The following IL31RA variants were observed in gnomAD, a reference collection of about 807,000 sequenced individuals.
IL31RA encodes the protein interleukin-31 receptor subunit alpha.
Under a neutral mutation model 83.7 loss-of-function variants are expected in IL31RA, and 66 were observed. The observed-to-expected ratio is 0.79, with a 90% CI of 0.65 to 0.97. IL31RA has a LOEUF of 0.97. Ranked by LOEUF, IL31RA falls within the 50% of genes least tolerant of loss-of-function variation. The probability of loss-of-function intolerance (pLI) is 0.00; values close to 1 mark genes in which losing one functional copy is unlikely to be tolerated. For synonymous variants in IL31RA, 325 were observed against 329.0 expected (o/e 0.99, Z 0.13); for missense variants, 798 against 919.4 (o/e 0.87, Z 1.71).
Position 55,867,252 on chromosome 5 carries a change from T to C in IL31RA, c.155-1539T>C, listed in dbSNP as rs928858541. On this transcript the variant is annotated intron_variant, in intron 2 of 14. Transcript: ENST00000652347. ...GTGTGTTTGTGTGTGTGTTTGTGTG[T>C]GCGTGTGTTTGTGTGCGTGTGTGTG... Among the ~76,000 whole-genome samples the C allele has an allele frequency of 1.4e-4, 7 of 49,214 alleles. No individual in the cohort carries two copies. The Admixed American group carries it at 2.0e-3, about 14-fold the overall frequency. 32.3% of individuals were successfully genotyped at this position (49,214 alleles called of 152,430 possible).
At position 55,903,301 on chromosome 5, in the gene IL31RA, C is replaced by T. The variant is rs1469113118; in HGVS notation, c.1070-2805C>T. On this transcript the variant is annotated intron_variant, in intron 8 of 14. Coordinates refer to ENST00000652347, the MANE Select transcript of IL31RA (RefSeq NM_139017.7). The surrounding 1 kb of genome is among the most constrained non-coding windows in gnomAD (Gnocchi z 4.7). ...AGGAGAAGCAGCACCAGCACGTGAG[C>T]CCCGGGTGACTGTCTTCATGCAGAT... Among the ~76,000 whole-genome samples the T allele has an allele frequency of 6.6e-6, 1 of 152,212 alleles. No individual in the cohort carries two copies. Among genetic ancestry groups the T allele is most frequent in the Non-Finnish European group, 1.5e-5 (1 of 68,024 alleles).
At chr5:55,883,352 A>T (rs16884612) in intron 5 of IL31RA, among the ~76,000 whole-genome samples, 157 bp downstream of exon 5, 11,860 of 152,152 alleles carry the variant, frequency 0.078, 792 homozygotes, top group African/African-American at 0.18. Flanking sequence ...CCATTTTTCC[A>T]TCTGGACCTT....
At position 55,916,844 on chromosome 5, in the gene IL31RA, C is replaced by T. The variant is rs755662748; in HGVS notation, c.2019C>T (p.Thr673=). The change falls in exon 15 of 15, where the codon ACC becomes ACT. Residue 673 remains threonine (T), a synonymous_variant. Transcript: ENST00000652347. ...GAGGGGAAAAGAATGGGTATGTGAC[C>T]TGCCCCTTCAGGCCTGATTGTCCCC... ...NLGGEKNGYV[T]CPFRPDCPLG... is the part of the protein sequence containing the mutation. 6.2e-7 allele frequency: 1 copy of T among 1,614,208 alleles called. No individual in the cohort carries two copies. Among genetic ancestry groups the T allele is most frequent in the African/African-American group, 1.3e-5 (1 of 75,052 alleles).
rs377376655 is a variant in IL31RA at position 55,883,208 on chromosome 5, A to G, written c.606+13A>G. On this transcript the variant is annotated intron_variant, in intron 5 of 14. Transcript: ENST00000652347. Reference sequence around the variant, plus strand: ...CAGTACCAGCTGGGTAAGTTATGCCATTATAATAATATTCCAATTAGAGGC... The same window carrying G: ...CAGTACCAGCTGGGTAAGTTATGCCGTTATAATAATATTCCAATTAGAGGC... 1.6e-4 allele frequency: 250 copies of G among 1,603,546 alleles called. No individual in the cohort carries two copies. Among genetic ancestry groups the G allele is most frequent in the African/African-American group, 2.7e-4 (20 of 74,484 alleles).
chr5:55,916,792 C>T lies in IL31RA; in HGVS notation c.1967C>T (p.Ala656Val). Reference sequence around the variant, plus strand: ...CTGCAAGAAATTTTCACAGATGAAGCCAGAACGGGTCAGGAAAACAATTTA... The same window carrying T: ...CTGCAAGAAATTTTCACAGATGAAGTCAGAACGGGTCAGGAAAACAATTTA... The part of the protein sequence containing the change: ...NVLQEIFTDE[A>V]RTGQENNLGG... The change falls in exon 15 of 15, where the codon GCC becomes GTC. Residue 656 changes from alanine to valine, a missense_variant. Ala to Val is a moderately conservative substitution (Grantham distance 64). Transcript: ENST00000652347. The T allele has an allele frequency of 1.9e-6, 3 of 1,614,108 alleles. No individual in the cohort carries two copies. The highest frequency in any genetic ancestry group is 2.5e-6 in the Non-Finnish European group (3 of 1,180,038).
At chr5:55,889,871 C>A in intron 5 of IL31RA, 99 bp from the exon 6 acceptor site, 1 of 1,018,946 alleles carries the variant, frequency 9.8e-7, no homozygotes, top group Non-Finnish European at 1.5e-6. Context: ...TAGAGTGTTA[C>A]TAGTTCTAAA....
At chr5:55,897,665 C>T (rs970152152) in intron 7 of IL31RA, among the ~76,000 whole-genome samples, 1 of 138,080 alleles carries the variant, frequency 7.2e-6, no homozygotes, top group Admixed American at 7.5e-5. Flanking sequence ...GTGGGGAATG[C>T]AGAGAAGAAG....
chr5:55,908,242 AT>A, intron 10 of IL31RA, 22 bp from the exon 11 acceptor site: 1 of 1,613,838 alleles, frequency 6.2e-7, no homozygotes, highest in Non-Finnish European at 8.5e-7. Context: ...AGTGATTATC[AT>A]TTATCCCTCT....
intron 14 of IL31RA, among the ~76,000 whole-genome samples, chr5:55,915,414 A>G (rs1195672126): frequency 6.6e-6 from 1 of 152,176 alleles, no homozygotes; most frequent in Non-Finnish European, 1.5e-5. Flanking sequence ...GTCAGGCTTT[A>G]TTTAACTGGC....
chr5:55,890,260 G>A, intron 6 of IL31RA, 125 bp downstream of exon 6: 1 of 880,672 alleles, frequency 1.1e-6, no homozygotes, highest in Non-Finnish European at 1.9e-6. Flanking sequence ...GGGGCCCCCT[G>A]TACCATCGAG....
intron 5 of IL31RA, 47 bp downstream of exon 5, chr5:55,883,242 A>G (rs68051026): frequency 0.062 from 91,776 of 1,478,242 alleles, 4,821 homozygotes; most frequent in African/African-American, 0.27. Flanking sequence ...GCCCAGAGGA[A>G]AAGAATCATT....
At chr5:55,841,518 G>A in the IL31RA span, among the ~76,000 whole-genome samples, 1 of 152,200 alleles carries the variant, frequency 6.6e-6, no homozygotes, top group Non-Finnish European at 1.5e-5. Flanking sequence ...AGGGTCTCTT[G>A]TGTTCCACAT....
upstream of IL31RA, among the ~76,000 whole-genome samples, chr5:55,847,239 A>T (rs1226470613): frequency 0.017 from 294 of 17,368 alleles, 5 homozygotes; most frequent in African/African-American, 0.035. Flanking sequence ...AAAAAAAAAA[A>T]AATAAAAATA....
chr5:55,916,534 TG>T, intron 14 of IL31RA, 109 bp from the exon 15 acceptor site: 1 of 891,306 alleles, frequency 1.1e-6, no homozygotes, highest in Non-Finnish European at 1.9e-6. Context: ...GGGAGGAAGG[TG>T]GGGGCTGTTC....
Position 55,872,289 on chromosome 5 carries a change from G to C in IL31RA, c.292G>C (p.Asp98His). 6.2e-7 allele frequency: 1 copy of C among 1,613,204 alleles called. No homozygotes were observed. The highest frequency in any genetic ancestry group is 8.5e-7 in the Non-Finnish European group (1 of 1,179,422). The change falls in exon 4 of 15, where the codon GAT (aspartate) becomes CAT (histidine). Residue 98 changes from aspartate to histidine, a missense_variant. Coordinates refer to ENST00000652347, the MANE Select transcript of IL31RA (RefSeq NM_139017.7). Reference protein sequence around the residue: ...KRTYAFGEKHDNCTTNSSTSE... With the variant: ...KRTYAFGEKHHNCTTNSSTSE... ...TCAAAGCGCTTTTGGAGAAAAACAT[G>C]ATAATTGTACAACCAATAGTTCTAC...
At chr5:55,885,653 G>T (rs1450655449) in intron 5 of IL31RA, among the ~76,000 whole-genome samples, 1 of 152,160 alleles carries the variant, frequency 6.6e-6, no homozygotes, top group South Asian at 2.1e-4. Flanking sequence ...ACACTTGGGC[G>T]GGTCAGAGAT....
intron 3 of IL31RA, among the ~76,000 whole-genome samples, chr5:55,869,214 T>C (rs1746367296): frequency 6.6e-6 from 1 of 152,234 alleles, no homozygotes; most frequent in African/African-American, 2.4e-5. Context: ...GAATGTGTTA[T>C]ATAAAACTGT....
intron 4 of IL31RA, among the ~76,000 whole-genome samples, chr5:55,878,543 G>C (rs984896318): frequency 1.3e-5 from 2 of 152,194 alleles, no homozygotes; most frequent in East Asian, 3.8e-4. Flanking sequence ...CTGAGCCTAG[G>C]GATCAGCCCA....
chr5:55,841,977 G>A, the IL31RA span, among the ~76,000 whole-genome samples: 1 of 151,508 alleles, frequency 6.6e-6, no homozygotes, highest in East Asian at 1.9e-4. Flanking sequence ...AGATGGTCTT[G>A]CTATGTTGCC....
Sources: allele counts gnomAD v4.1 joint callset (sites outside exome capture counted in the v4.1 genomes callset), GRCh38; gene constraint gnomAD v4.1.1; non-coding constraint Gnocchi (gnomAD v3.1); transcripts MANE v1.5; gene names NCBI Gene and HGNC (gene_info 2026-07-23, HGNC 2026-07-21).